Variants in LARS2 observed in about 807,000 individuals in gnomAD.
LARS2 encodes leucyl-tRNA synthetase 2, mitochondrial.
In LARS2, 81 loss-of-function variants were observed where a neutral mutation model predicts 116.6. The ratio of observed to expected loss-of-function variants is 0.69; its 90% CI spans 0.58 to 0.84. The LOEUF (loss-of-function observed/expected upper bound fraction) is 0.84, where lower values mean the gene tolerates loss of function less well. Among genes scored for constraint, LARS2 ranks in the 40% least tolerant of loss-of-function variants. The pLI is 0.00. For synonymous variants in LARS2, 396 were observed against 407.2 expected (o/e 0.97, Z 0.33); for missense variants, 968 against 1,114.5 (o/e 0.87, Z 1.87).
At chr3:45,484,618 A>ATATATATATATATATATATAT (rs1223081345) in intron 10 of LARS2, among the ~76,000 whole-genome samples, 10 of 13,902 alleles carry the variant, frequency 7.2e-4, no homozygotes, top group South Asian at 7.0e-3. Context: ...AAAAAAAAAA[A>ATATATATATATATATATATAT]AAAAAAAAAA....
At chr3:45,431,111 G>A (rs1455570254) in intron 6 of LARS2, among the ~76,000 whole-genome samples, 2 of 152,160 alleles carry the variant, frequency 1.3e-5, no homozygotes, top group Admixed American at 6.5e-5. Context: ...GCCATGTAAG[G>A]ACACAGCAAT....
At chr3:45,453,797 T>C (rs931360957) in intron 7 of LARS2, among the ~76,000 whole-genome samples, 1 of 151,994 alleles carries the variant, frequency 6.6e-6, no homozygotes, top group Non-Finnish European at 1.5e-5. Flanking sequence ...CTAAAATATA[T>C]ATTTTACTAG....
At chr3:45,496,433 A>C in intron 14 of LARS2, 60 bp downstream of exon 14, 3 of 1,220,936 alleles carry the variant, frequency 2.5e-6, no homozygotes, top group Non-Finnish European at 3.6e-6. Context: ...CTAGAAGCAA[A>C]GACCAAGATG....
intron 4 of LARS2, among the ~76,000 whole-genome samples, chr3:45,411,651 A>T (rs1575236175): frequency 6.6e-6 from 1 of 152,188 alleles, no homozygotes; most frequent in African/African-American, 2.4e-5. Flanking sequence ...AAAATAATGT[A>T]TATAATCATT....
rs763976563 is a variant in LARS2, at chr3:45,476,454, T to C, written c.859-14T>C. Reference sequence around the variant, plus strand: ...GGACTGAGAAATGACATCACTCTTCTTTCCTATCACCAGGTTCATGGGCAA... The same window carrying C: ...GGACTGAGAAATGACATCACTCTTCCTTCCTATCACCAGGTTCATGGGCAA... On this transcript the variant is annotated splice_polypyrimidine_tract_variant and intron_variant, in intron 9 of 21. Coordinates refer to ENST00000645846, the MANE Select transcript of LARS2 (RefSeq NM_015340.4). 1 of 1,614,080 alleles carries C rather than the reference T, an allele frequency of 6.2e-7. No individual in the cohort carries two copies. The highest frequency in any genetic ancestry group is 8.5e-7 in the Non-Finnish European group (1 of 1,179,934).
At chr3:45,459,345 G>A (rs1370012128) in intron 8 of LARS2, among the ~76,000 whole-genome samples, 2 of 152,118 alleles carry the variant, frequency 1.3e-5, no homozygotes, top group African/African-American at 4.8e-5. Flanking sequence ...CCCAACTCTA[G>A]ACTTCACATG....
chr3:45,458,663 G>A, intron 7 of LARS2, 80 bp from the exon 8 acceptor site: 1 of 1,458,034 alleles, frequency 6.9e-7, no homozygotes, highest in Non-Finnish European at 9.6e-7. Flanking sequence ...CTCTAGCCCG[G>A]GCGACAGTGC....
At chr3:45,496,481 C>A in intron 14 of LARS2, 108 bp downstream of exon 14, 1 of 834,950 alleles carries the variant, frequency 1.2e-6, no homozygotes, top group East Asian at 2.4e-5. Flanking sequence ...GGGGAAATGC[C>A]TGTGCAGATT....
chr3:45,390,634 ATTATTTATTTATTTATTTAT>A (rs373874105), intron 1 of LARS2, among the ~76,000 whole-genome samples: 15 of 140,444 alleles, frequency 1.1e-4, no homozygotes, highest in Non-Finnish European at 2.0e-4. Flanking sequence ...TTTTATTTTT[ATTATTTATTTATTTATTTAT>A]TTATTTATTT....
chr3:45,488,418 G>A (rs1451707211), intron 11 of LARS2, among the ~76,000 whole-genome samples: 2 of 152,176 alleles, frequency 1.3e-5, no homozygotes, highest in Non-Finnish European at 2.9e-5. Flanking sequence ...GGGCAACAGA[G>A]CAAGACTCTG....
intron 4 of LARS2, among the ~76,000 whole-genome samples, chr3:45,416,095 C>T (rs1171765693): frequency 1.3e-5 from 2 of 151,506 alleles, no homozygotes; most frequent in African/African-American, 4.9e-5. Context: ...CCCTCCCTTA[C>T]TGGTAGGGAA....
At chr3:45,517,621 A>G (rs2125754176) in intron 17 of LARS2, among the ~76,000 whole-genome samples, 1 of 152,226 alleles carries the variant, frequency 6.6e-6, no homozygotes, top group Non-Finnish European at 1.5e-5. Context: ...GCTCATCTTG[A>G]CCAAGCTTCT....
chr3:45,535,766 ACCCC>A (rs137965976), intron 20 of LARS2, among the ~76,000 whole-genome samples: 6,928 of 121,720 alleles, frequency 0.057, 190 homozygotes, highest in Non-Finnish European at 0.072. Flanking sequence ...ACACACACAC[ACCCC>A]CACACCCACA....
At chr3:45,488,856 G>A (rs540546132) in intron 12 of LARS2, 44 bp downstream of exon 12, 44 of 1,182,588 alleles carry the variant, frequency 3.7e-5, no homozygotes, top group Admixed American at 3.5e-4. Flanking sequence ...ACCTTGATAC[G>A]ACTTTGATAG....
At chr3:45,507,006 A>T (rs1700209842) in intron 15 of LARS2, 1 of 152,022 alleles carries the variant, frequency 6.6e-6, no homozygotes, top group Non-Finnish European at 1.5e-5. Context: ...TTAATGATTA[A>T]CCGGGAATTA....
chr3:45,486,298 A>C (rs1314012137), intron 11 of LARS2, among the ~76,000 whole-genome samples: 3 of 152,226 alleles, frequency 2.0e-5, no homozygotes, highest in Admixed American at 1.3e-4. Context: ...CAAGAAAAGG[A>C]TTGTGAAACA....
chr3:45,395,654 C>CACAAG (rs1559454197), intron 3 of LARS2, among the ~76,000 whole-genome samples: 1 of 152,194 alleles, frequency 6.6e-6, no homozygotes, highest in Non-Finnish European at 1.5e-5. Context: ...AGTACAGCTG[C>CACAAG]ACAAGACCAC....
At chr3:45,422,305 G>C (rs1467906603) in intron 6 of LARS2, 1 of 152,000 alleles carries the variant, frequency 6.6e-6, no homozygotes, top group East Asian at 1.9e-4. Flanking sequence ...ATAGATAGGA[G>C]GTGTTTGTCC....
intron 20 of LARS2, among the ~76,000 whole-genome samples, chr3:45,530,132 T>G (rs1700593605): frequency 6.6e-6 from 1 of 152,224 alleles, no homozygotes; most frequent in Non-Finnish European, 1.5e-5. Context: ...TTCTCAGTAT[T>G]TCCAGTTTAA....
Sources: gnomAD v4.1 joint callset for allele counts (sites outside exome capture counted in the v4.1 genomes callset) on GRCh38, gnomAD v4.1.1 for gene constraint, MANE v1.5 for transcripts, NCBI Gene and HGNC (gene_info 2026-07-23, HGNC 2026-07-21) for gene names.